DRICH1: variants seen among roughly 807,000 people sequenced by gnomAD.
The protein encoded by DRICH1 is aspartate rich 1.
Under a neutral mutation model 39.5 loss-of-function variants are expected in DRICH1, and 38 were observed. That is an observed-to-expected ratio of 0.96 (90% CI 0.74 to 1.26). DRICH1 has a LOEUF of 1.26. DRICH1 is among the 50% of genes most tolerant of loss of function. DRICH1 has a pLI of 0.00. For missense variants in DRICH1, 279 were observed against 270.4 expected (o/e 1.03, Z -0.22); for synonymous variants, 84 against 99.5 (o/e 0.84, Z 0.93).
At chr22:23,607,851 G>A (rs1034332519), downstream of DRICH1, among the ~76,000 whole-genome samples, 1 of 152,182 alleles carries the variant, frequency 6.6e-6, no homozygotes, top group African/African-American at 2.4e-5. Flanking sequence ...CATCCCCAAG[G>A]GGAGCTCCTG....
chr22:23,582,555 C>CTTTTATTA, the DRICH1 span, among the ~76,000 whole-genome samples: 316 of 143,880 alleles, frequency 2.2e-3, 7 homozygotes, highest in East Asian at 0.037. Flanking sequence ...CCTTCAGGGG[C>CTTTTATTA]TTATTATTAT....
intron 9 of DRICH1, among the ~76,000 whole-genome samples, chr22:23,613,908 G>A (rs1927191820): frequency 6.6e-6 from 1 of 152,160 alleles, no homozygotes; most frequent in South Asian, 2.1e-4. Flanking sequence ...TGTTGTTGTG[G>A]AAAATGCCTC....
chr22:23,632,329 G>A, upstream of DRICH1: 1 of 401,956 alleles, frequency 2.5e-6, no homozygotes, highest in East Asian at 5.3e-5. Flanking sequence ...ACTGAGGGCT[G>A]CTGGCCCTGG....
At chr22:23,594,979 A>G in the DRICH1 span, among the ~76,000 whole-genome samples, 1 of 146,676 alleles carries the variant, frequency 6.8e-6, no homozygotes, top group Non-Finnish European at 1.5e-5. Context: ...CTCCCAGGAA[A>G]CCCTAACTGG....
chr22:23,594,002 A>G, the DRICH1 span, among the ~76,000 whole-genome samples: 3 of 135,812 alleles, frequency 2.2e-5, no homozygotes, highest in Non-Finnish European at 4.9e-5. Context: ...AAAAGAGCAA[A>G]CAAAGGTGAA....
At chr22:23,618,298 T>C (rs1927494058) in intron 6 of DRICH1, among the ~76,000 whole-genome samples, 1 of 151,876 alleles carries the variant, frequency 6.6e-6, no homozygotes, top group Admixed American at 6.6e-5. Flanking sequence ...GTATTTTTAG[T>C]GGAGTTGGAG....
the DRICH1 span, among the ~76,000 whole-genome samples, chr22:23,597,156 C>T: frequency 7.2e-6 from 1 of 139,290 alleles, no homozygotes; most frequent in Non-Finnish European, 1.6e-5. Flanking sequence ...TCCTGCCTTG[C>T]CTCCTTCCTT....
At chr22:23,625,960 G>A (rs1928036083) in intron 2 of DRICH1, 21 bp downstream of exon 2, 1 of 1,599,368 alleles carries the variant, frequency 6.3e-7, no homozygotes, top group East Asian at 2.2e-5. Context: ...TTCCTTAGAA[G>A]GCAAAGAAAG....
chr22:23,624,533 C>T (rs9680742), intron 3 of DRICH1, among the ~76,000 whole-genome samples: 36,892 of 151,986 alleles, frequency 0.24, 4,561 homozygotes, highest in Middle Eastern at 0.28. Context: ...TTTATTAGAC[C>T]CCATCTGAAG....
the DRICH1 span, among the ~76,000 whole-genome samples, chr22:23,603,207 C>A: frequency 6.5e-4 from 91 of 139,964 alleles, 1 homozygote; most frequent in South Asian, 0.021. Context: ...GATTAAAAGG[C>A]ATGTACATTT....
At chr22:23,618,110 A>G (rs1401372922) in intron 6 of DRICH1, among the ~76,000 whole-genome samples, 1 of 139,238 alleles carries the variant, frequency 7.2e-6, no homozygotes, top group Non-Finnish European at 1.5e-5. Context: ...TTGATCACAC[A>G]TTCTTTTTTT....
chr22:23,596,209 G>T, the DRICH1 span, among the ~76,000 whole-genome samples: 12 of 151,972 alleles, frequency 7.9e-5, no homozygotes, highest in Non-Finnish European at 1.5e-4. Flanking sequence ...TCTCTTTCCT[G>T]TGAGGCCAGT....
the DRICH1 span, among the ~76,000 whole-genome samples, chr22:23,598,777 T>C: frequency 6.5e-3 from 988 of 151,688 alleles, no homozygotes; most frequent in African/African-American, 0.023. Context: ...ATCTGGTGCC[T>C]GGCAGAGGGC....
chr22:23,622,707 A>G, intron 3 of DRICH1, among the ~76,000 whole-genome samples: 1 of 86,970 alleles, frequency 1.1e-5, no homozygotes. Context: ...AAATGCTACA[A>G]TTAAAAATAG....
intron 3 of DRICH1, 129 bp from the exon 4 acceptor site, chr22:23,622,305 T>G (rs1185620316): frequency 3.6e-6 from 3 of 834,116 alleles, no homozygotes; most frequent in Non-Finnish European, 6.2e-6. Context: ...TGCTGGGCTA[T>G]TCCCCTGAGT....
intron 6 of DRICH1, among the ~76,000 whole-genome samples, chr22:23,617,929 C>G (rs1927467324): frequency 6.6e-6 from 1 of 152,126 alleles, no homozygotes; most frequent in Admixed American, 6.5e-5. Context: ...TCCTCCCTCT[C>G]AAATGTTTTG....
At chr22:23,603,957 C>T (rs1569083259), downstream of DRICH1, among the ~76,000 whole-genome samples, 1 of 152,208 alleles carries the variant, frequency 6.6e-6, no homozygotes, top group Admixed American at 6.5e-5. Context: ...GATGTGCTGA[C>T]ATGATCCCAG....
chr22:23,631,218 G>A (rs1046324258), intron 1 of DRICH1, among the ~76,000 whole-genome samples: 2 of 152,044 alleles, frequency 1.3e-5, no homozygotes, highest in African/African-American at 2.4e-5. Context: ...AGGAGATCGA[G>A]ACCATTCTGG....
At chr22:23,625,486 CCA>C (rs1928005218) in intron 2 of DRICH1, among the ~76,000 whole-genome samples, 8 of 152,080 alleles carry the variant, frequency 5.3e-5, no homozygotes. Context: ...CCTTTCCTCC[CCA>C]CTTAGTTGCC....
Sources: gnomAD v4.1 joint callset for allele counts (sites outside exome capture counted in the v4.1 genomes callset) on GRCh38, gnomAD v4.1.1 for gene constraint, MANE v1.5 for transcripts, NCBI Gene and HGNC (gene_info 2026-07-23, HGNC 2026-07-21) for gene names.